SGCZ: variants seen among roughly 807,000 people sequenced by gnomAD.
The protein encoded by SGCZ is sarcoglycan zeta.
In SGCZ, 40 loss-of-function variants were observed where a neutral mutation model predicts 41.3. The observed-to-expected ratio is 0.97, with a 90% CI of 0.75 to 1.26. The LOEUF is 1.26. SGCZ is among the 50% of genes most tolerant of loss of function. SGCZ has a pLI of 0.00. For missense variants in SGCZ, 552 were observed against 369.8 expected (o/e 1.49, Z -4.04); for synonymous variants, 206 against 137.5 (o/e 1.50, Z -3.49).
chr8:14,548,420 G>T (rs949783027), intron 2 of SGCZ, among the ~76,000 whole-genome samples: 8 of 152,080 alleles, frequency 5.3e-5, no homozygotes, highest in African/African-American at 1.4e-4. Flanking sequence ...ATATAAAAAT[G>T]AATTCATTTT....
At chr8:15,077,805 T>A (rs17120872) in intron 1 of SGCZ, among the ~76,000 whole-genome samples, 24,525 of 152,188 alleles carry the variant, frequency 0.16, 2,082 homozygotes, top group Middle Eastern at 0.23. Flanking sequence ...GACCCATGCA[T>A]CTCAATAGAG....
At chr8:14,093,957 G>T (rs554600769) in intron 7 of SGCZ, among the ~76,000 whole-genome samples, 2 of 151,878 alleles carry the variant, frequency 1.3e-5, no homozygotes, top group African/African-American at 2.4e-5. Context: ...GCCTGTCTTT[G>T]GTTCATCCAT....
chr8:14,680,963 G>GAAAAAAAAAAA lies in SGCZ; in HGVS notation c.40-126038_40-126037insTTTTTTTTTTT, dbSNP rs374278969. Among the ~76,000 whole-genome samples the GAAAAAAAAAAA allele has an allele frequency of 4.2e-4, 45 of 106,164 alleles. 3 individuals are homozygous for GAAAAAAAAAAA. The highest frequency in any genetic ancestry group is 4.8e-4 in the African/African-American group (11 of 22,958). The allele number at this position is 106,164 out of a possible 152,430, so 69.6% of individuals were successfully genotyped here. On this transcript the variant is annotated intron_variant, in intron 1 of 7. Transcript: ENST00000382080. The stretch of plus-strand genomic sequence containing the variant: ...TGAAACATACAGAGGAAAAAGAGTG[G>GAAAAAAAAAAA]GAAAAAAAAAAAAAAAAACAGAAAA...
chr8:14,964,965 G>A (rs1801085082), intron 1 of SGCZ, among the ~76,000 whole-genome samples: 1 of 152,098 alleles, frequency 6.6e-6, no homozygotes, highest in Non-Finnish European at 1.5e-5. Flanking sequence ...GGGAGCTCAG[G>A]CAGACAGACC....
chr8:15,197,903 C>T (rs932224646), intron 1 of SGCZ, among the ~76,000 whole-genome samples: 4 of 150,300 alleles, frequency 2.7e-5, no homozygotes, highest in South Asian at 2.1e-4. Context: ...CACACACATT[C>T]GTGTATATAT....
At chr8:14,189,045 G>C (rs1466788949) in intron 4 of SGCZ, among the ~76,000 whole-genome samples, 1 of 148,230 alleles carries the variant, frequency 6.7e-6, no homozygotes, top group African/African-American at 2.5e-5. Flanking sequence ...TTTTAGTAGA[G>C]ATGGGGTTTT....
chr8:14,968,701 T>G (rs1477411182), intron 1 of SGCZ, among the ~76,000 whole-genome samples: 1 of 152,044 alleles, frequency 6.6e-6, no homozygotes, highest in African/African-American at 2.4e-5. Flanking sequence ...CTTGAGAAAA[T>G]GACTTCTAAG....
intron 3 of SGCZ, among the ~76,000 whole-genome samples, chr8:14,277,919 A>C (rs925331682): frequency 3.9e-5 from 6 of 152,300 alleles, no homozygotes; most frequent in African/African-American, 1.4e-4. Context: ...AAAAAGAAAA[A>C]GAGACAGAGA....
Position 14,395,772 on chromosome 8 carries a change from T to G in SGCZ, c.235-71568A>C, listed in dbSNP as rs139245916. On this transcript the variant is annotated intron_variant, in intron 2 of 7. Coordinates refer to ENST00000382080, the MANE Select transcript of SGCZ (RefSeq NM_139167.4). ...ATGGCAAAGGAGCTCAGAGCAAGTA[T>G]CAGGATATAAAATCGATCTGCAGGG... is the stretch of plus-strand genomic sequence containing the variant. 4.1e-4 allele frequency among the ~76,000 whole-genome samples: 63 copies of G among 152,280 alleles called. 1 individual carries two copies. In the East Asian group the frequency reaches 8.5e-3, roughly 21 times the overall value.
chr8:15,145,936 T>A (rs1262713441), intron 1 of SGCZ, among the ~76,000 whole-genome samples: 1 of 152,116 alleles, frequency 6.6e-6, no homozygotes, highest in South Asian at 2.1e-4. Flanking sequence ...TAAAACTGTA[T>A]AAACTCCAAA....
chr8:14,945,730 T>C (rs1355245152), intron 1 of SGCZ, among the ~76,000 whole-genome samples: 1 of 151,490 alleles, frequency 6.6e-6, no homozygotes, highest in South Asian at 2.1e-4. Flanking sequence ...GAATTCTCTT[T>C]CTCCCTCTCC....
intron 5 of SGCZ, among the ~76,000 whole-genome samples, chr8:14,155,143 C>T (rs1405878014): frequency 6.6e-6 from 1 of 152,232 alleles, no homozygotes; most frequent in Non-Finnish European, 1.5e-5. Flanking sequence ...ACGTGGTATA[C>T]ACAGCTGGCA....
At chr8:14,979,188 G>T (rs7835110) in intron 1 of SGCZ, among the ~76,000 whole-genome samples, 3,203 of 152,184 alleles carry the variant, frequency 0.021, 133 homozygotes, top group African/African-American at 0.073. Flanking sequence ...GCATTAACTT[G>T]AATATCATCA....
chr8:15,197,917 G>A (rs268368), intron 1 of SGCZ, among the ~76,000 whole-genome samples: 2 of 150,168 alleles, frequency 1.3e-5, no homozygotes, highest in Non-Finnish European at 3.0e-5. Context: ...TATATATATA[G>A]ATACACATAC....
chr8:14,173,536 C>A (rs1804453217), intron 4 of SGCZ, among the ~76,000 whole-genome samples: 2 of 152,000 alleles, frequency 1.3e-5, no homozygotes, highest in South Asian at 4.1e-4. Context: ...AATTAGTGAA[C>A]TTGAAAAGGT....
intron 2 of SGCZ, among the ~76,000 whole-genome samples, chr8:14,345,358 A>T (rs933273418): frequency 6.6e-6 from 1 of 152,144 alleles, no homozygotes. Context: ...CTGTTTGCAG[A>T]TCTACTTATG....
At chr8:14,526,144 G>A (rs1044234598) in intron 2 of SGCZ, among the ~76,000 whole-genome samples, 22 of 152,054 alleles carry the variant, frequency 1.4e-4, no homozygotes, top group African/African-American at 4.6e-4. Flanking sequence ...GCTAATTAAT[G>A]GTTTTTATCA....
chr8:14,457,775 A>C (rs2116943144), intron 2 of SGCZ, among the ~76,000 whole-genome samples: 1 of 152,230 alleles, frequency 6.6e-6, no homozygotes, highest in African/African-American at 2.4e-5. Flanking sequence ...GACCCACGTG[A>C]CCTTACCTAT....
At chr8:14,580,527 T>C (rs2117255926) in intron 1 of SGCZ, among the ~76,000 whole-genome samples, 1 of 152,230 alleles carries the variant, frequency 6.6e-6, no homozygotes, top group East Asian at 1.9e-4. Context: ...TTAGTATAAA[T>C]ATAAACAAAC....
Sources: gnomAD v4.1 joint callset for allele counts (sites outside exome capture counted in the v4.1 genomes callset) on GRCh38, gnomAD v4.1.1 for gene constraint, MANE v1.5 for transcripts, NCBI Gene and HGNC (gene_info 2026-07-23, HGNC 2026-07-21) for gene names.